Variants in SLC9A9 observed in about 807,000 individuals in gnomAD.
SLC9A9 encodes the protein sodium/hydrogen exchanger 9.
SLC9A9 carries 62 observed loss-of-function variants against 77.8 expected under a neutral mutation model. The observed-to-expected ratio is 0.80, with a 90% confidence interval of 0.65 to 0.98. The LOEUF (loss-of-function observed/expected upper bound fraction) is 0.98. Ranked by LOEUF, SLC9A9 falls within the 50% of genes least tolerant of loss-of-function variation. SLC9A9 has a pLI of 0.00. For synonymous variants in SLC9A9, 320 were observed against 283.5 expected, an observed-to-expected ratio of 1.13 and a Z score of -1.29; for missense variants, 775 against 774.9, an observed-to-expected ratio of 1.00 and a Z score of 0.00.
At chr3:143,436,353 G>A (rs954140518) in intron 12 of SLC9A9, among the ~76,000 whole-genome samples, 3 of 152,180 alleles carry the variant, frequency 2.0e-5, no homozygotes, top group African/African-American at 7.2e-5. Flanking sequence ...TATTATGAGA[G>A]CACTTAGTAT....
Position 143,266,310 on chromosome 3 carries a change from A to AT in SLC9A9, c.*391dup, listed in dbSNP as rs1254013933. ...TGTTTACTCTCAGAAGCTTTCTTTT[A>AT]TTTTTAAACTCTCCTTAATGGAGGG... On this transcript the variant is annotated 3_prime_UTR_variant, in exon 16 of 16. Transcript: ENST00000316549. The AT allele has an allele frequency of 5.5e-5, 32 of 578,624 alleles. No individual in the cohort carries two copies. The African/African-American group carries it at 6.0e-4, about 11-fold the overall frequency. The allele number at this position is 578,624 out of a possible 1,614,324, so 35.8% of individuals were successfully genotyped here.
chr3:143,758,980 T>C (rs778301525), intron 4 of SLC9A9, among the ~76,000 whole-genome samples: 9 of 152,196 alleles, frequency 5.9e-5, no homozygotes, highest in African/African-American at 1.9e-4. Flanking sequence ...TTATTAGTTA[T>C]GTTCTTGGCA....
intron 12 of SLC9A9, among the ~76,000 whole-genome samples, chr3:143,409,647 G>T (rs570516830): frequency 6.6e-6 from 1 of 152,206 alleles, no homozygotes; most frequent in African/African-American, 2.4e-5. Context: ...GGATAGAAGC[G>T]ATTCTTTCCA....
At chr3:143,696,643 G>C (rs559947389) in intron 4 of SLC9A9, among the ~76,000 whole-genome samples, 1 of 152,212 alleles carries the variant, frequency 6.6e-6, no homozygotes, top group African/African-American at 2.4e-5. Flanking sequence ...AATATCAATT[G>C]GTTCTGGAAT....
intron 1 of SLC9A9, among the ~76,000 whole-genome samples, chr3:143,836,138 C>T (rs1415115683): frequency 1.3e-5 from 2 of 152,290 alleles, no homozygotes; most frequent in East Asian, 3.9e-4. Flanking sequence ...CTCTTAAGTC[C>T]CACCCGTGGG....
chr3:143,498,071 TA>T (rs1471579513), intron 9 of SLC9A9, among the ~76,000 whole-genome samples: 1 of 152,202 alleles, frequency 6.6e-6, no homozygotes, highest in Non-Finnish European at 1.5e-5. Flanking sequence ...TTGAATAACC[TA>T]GGATTTTAAC....
intron 4 of SLC9A9, among the ~76,000 whole-genome samples, chr3:143,775,516 A>G (rs1372010329): frequency 6.6e-6 from 1 of 152,222 alleles, no homozygotes; most frequent in East Asian, 1.9e-4. Context: ...AGTCTTACTG[A>G]GTCAGTTTAA....
chr3:143,772,079 G>A (rs940143756), intron 4 of SLC9A9, among the ~76,000 whole-genome samples: 2 of 149,718 alleles, frequency 1.3e-5, no homozygotes, highest in African/African-American at 2.5e-5. Flanking sequence ...GGAGGGGGGT[G>A]AGCAGAATGC....
chr3:143,528,382 C>T (rs945046177), intron 9 of SLC9A9, among the ~76,000 whole-genome samples: 8 of 152,112 alleles, frequency 5.3e-5, no homozygotes, highest in Non-Finnish European at 1.0e-4. Context: ...ATAAATCTTA[C>T]CTAGTATTAT....
chr3:143,799,295 C>T (rs183568717), intron 2 of SLC9A9, among the ~76,000 whole-genome samples: 9 of 152,300 alleles, frequency 5.9e-5, no homozygotes, highest in Non-Finnish European at 1.0e-4. Flanking sequence ...CATTTTATTA[C>T]CCAATCCTCT....
chr3:143,437,480 T>C (rs1200042707), intron 12 of SLC9A9, among the ~76,000 whole-genome samples: 1 of 152,242 alleles, frequency 6.6e-6, no homozygotes, highest in African/African-American at 2.4e-5. Flanking sequence ...CTCAGACTAT[T>C]ACTGCGTCCT....
At chr3:143,624,869 C>T (rs2038290139) in intron 6 of SLC9A9, among the ~76,000 whole-genome samples, 1 of 152,194 alleles carries the variant, frequency 6.6e-6, no homozygotes, top group African/African-American at 2.4e-5. Context: ...AAAACCCCAT[C>T]ATCTCAGCCC....
chr3:143,776,429 G>C (rs555166814), intron 4 of SLC9A9, among the ~76,000 whole-genome samples: 2 of 152,114 alleles, frequency 1.3e-5, no homozygotes, highest in Non-Finnish European at 2.9e-5. Context: ...ATAAACTAGT[G>C]AGAAAATATT....
Position 143,281,524 on chromosome 3 carries a change from A to G in SLC9A9, c.1605-12544T>C, listed in dbSNP as rs189677156. On this transcript the variant is annotated intron_variant, in intron 14 of 15. Coordinates refer to ENST00000316549, the MANE Select transcript of SLC9A9 (RefSeq NM_173653.4). ...GCACCACAGAAGACGGAGAGCACAT[A>G]CTAGCACTGCCTTCCCTCAGGGTCC... Among the ~76,000 whole-genome samples the G allele has an allele frequency of 3.3e-5, 5 of 152,314 alleles. No homozygotes were observed. In the East Asian group the frequency reaches 9.6e-4, roughly 29 times the overall value.
intron 12 of SLC9A9, among the ~76,000 whole-genome samples, chr3:143,447,984 A>G (rs1164906949): frequency 6.6e-6 from 1 of 152,186 alleles, no homozygotes; most frequent in Non-Finnish European, 1.5e-5. Context: ...TATTTGCTGA[A>G]TAAATGTGAA....
At chr3:143,807,815 G>A (rs2008763137) in intron 2 of SLC9A9, among the ~76,000 whole-genome samples, 1 of 152,232 alleles carries the variant, frequency 6.6e-6, no homozygotes, top group South Asian at 2.1e-4. Context: ...GAGGGGCTGG[G>A]TGGAGTGGGC....
intron 13 of SLC9A9, among the ~76,000 whole-genome samples, chr3:143,371,800 T>C (rs953185116): frequency 4.6e-5 from 7 of 152,158 alleles, no homozygotes; most frequent in African/African-American, 1.4e-4. Context: ...GAGGATATGA[T>C]TGTACACCTA....
chr3:143,511,553 A>G (rs924163115), intron 9 of SLC9A9, among the ~76,000 whole-genome samples: 2 of 152,242 alleles, frequency 1.3e-5, no homozygotes, highest in Admixed American at 1.3e-4. Context: ...GTTTAATTTG[A>G]GTCAAATTAC....
At chr3:143,623,981 A>G (rs982019952) in intron 6 of SLC9A9, among the ~76,000 whole-genome samples, 14 of 152,218 alleles carry the variant, frequency 9.2e-5, no homozygotes, top group African/African-American at 3.4e-4. Context: ...AGAATACTAT[A>G]AACACCTCTA....
Sources: allele counts gnomAD v4.1 joint callset (sites outside exome capture counted in the v4.1 genomes callset), GRCh38; gene constraint gnomAD v4.1.1; transcripts MANE v1.5; gene names NCBI Gene and HGNC (gene_info 2026-07-23, HGNC 2026-07-21).